ABCB5: variants seen among roughly 807,000 people sequenced by gnomAD.
ABCB5 encodes ATP-binding cassette sub-family B member 5.
Under a neutral mutation model 144.2 loss-of-function variants are expected in ABCB5, and 155 were observed. The observed-to-expected ratio is 1.08, with a 90% CI of 0.94 to 1.23. ABCB5 has a LOEUF of 1.23. ABCB5 is among the 50% of genes most tolerant of loss of function. The probability of loss-of-function intolerance (pLI) is 0.00; values close to 1 mark genes in which losing one functional copy is unlikely to be tolerated. For missense variants in ABCB5, 1,830 were observed against 1,520.8 expected, an observed-to-expected ratio of 1.20 and a Z score of -3.38; for synonymous variants, 610 against 528.6, an observed-to-expected ratio of 1.15 and a Z score of -2.11.
chr7:20,699,817 CTT>C lies in ABCB5; in HGVS notation c.2155-5_2155-4del. The C allele has an allele frequency of 6.4e-7, 1 of 1,563,136 alleles. No individual in the cohort carries two copies. The highest frequency in any genetic ancestry group is 8.7e-7 in the Non-Finnish European group (1 of 1,146,096). On this transcript the variant is annotated splice_polypyrimidine_tract_variant and splice_region_variant and intron_variant, in intron 17 of 27. Coordinates refer to ENST00000404938, the MANE Select transcript of ABCB5 (RefSeq NM_001163941.2). ...CCAAACACCTGATAAAAATCTGTTC[CTT>C]TTCAGATGTTTGGAAATAATGATAA...
intron 20 of ABCB5, among the ~76,000 whole-genome samples, chr7:20,714,470 C>G (rs1781605625): frequency 6.6e-6 from 1 of 152,006 alleles, no homozygotes; most frequent in African/African-American, 2.4e-5. Context: ...GTCTTTAAGA[C>G]CACATTCCGT....
In ABCB5 at chr7:20,703,254, A is replaced by G. The variant is rs537613483; in HGVS notation, c.2338-1470A>G. Among the ~76,000 whole-genome samples, 3 of 152,372 alleles carry G rather than the reference A, an allele frequency of 2.0e-5. No individual in the cohort carries two copies. The South Asian group carries it at 6.2e-4, about 32-fold the overall frequency. ...CTTAATTTTGGAGAGAGAGAACACA[A>G]TAAAAAGCAGGTGATGTCTTTCAGT... is the stretch of plus-strand genomic sequence containing the variant. On this transcript the variant is annotated intron_variant, in intron 19 of 27. Coordinates refer to ENST00000404938, the MANE Select transcript of ABCB5 (RefSeq NM_001163941.2).
Position 20,743,086 on chromosome 7 carries a change from C to A in ABCB5, c.3222+12C>A. ...TGCAAGGACAAGTGGTAAGACAGAA[C>A]TGAAACACACCTAATCTGGGGGTTA... is the stretch of plus-strand genomic sequence containing the variant. On this transcript the variant is annotated intron_variant, in intron 25 of 27. Transcript: ENST00000404938. 6.2e-7 allele frequency: 1 copy of A among 1,612,886 alleles called. No individual in the cohort carries two copies. Among genetic ancestry groups the A allele is most frequent in the Non-Finnish European group, 8.5e-7 (1 of 1,179,246 alleles).
At chr7:20,722,754 G>A (rs1393073919) in intron 20 of ABCB5, among the ~76,000 whole-genome samples, 1 of 151,940 alleles carries the variant, frequency 6.6e-6, no homozygotes, top group Non-Finnish European at 1.5e-5. Flanking sequence ...CCCAGGAGTC[G>A]GAGGTTGCAG....
intron 2 of ABCB5, among the ~76,000 whole-genome samples, chr7:20,624,449 AGCAAACT>A (rs1783864914): frequency 6.6e-6 from 1 of 152,254 alleles, no homozygotes; most frequent in South Asian, 2.1e-4. Flanking sequence ...CAATACCAAC[AGCAAACT>A]GCATCTATAT....
intron 5 of ABCB5, among the ~76,000 whole-genome samples, chr7:20,641,194 T>G (rs1339256631): frequency 6.6e-6 from 1 of 152,172 alleles, no homozygotes; most frequent in African/African-American, 2.4e-5. Context: ...TTTGTCCCAG[T>G]CTCTCACATC....
At position 20,643,262 on chromosome 7, in the gene ABCB5, T is replaced by G. The variant is rs774068423; in HGVS notation, c.393T>G (p.Thr131=). The change falls in exon 6 of 28, where the codon ACT becomes ACG. Residue 131 remains threonine (T), a synonymous_variant. Transcript: ENST00000404938. ...TACAGATTTCCTTGTGGATTATAAC[T>G]GCAGCACGACAGACCAAGAGGATTC... The part of the protein sequence containing the change: ...GYIQISLWII[T]AARQTKRIRK... 23 of 1,613,758 alleles carry G rather than the reference T, an allele frequency of 1.4e-5. No homozygotes were observed. The African/African-American group carries it at 2.3e-4, about 16-fold the overall frequency.
chr7:20,660,425 G>A (rs1432567049), intron 14 of ABCB5: 2 of 984,592 alleles, frequency 2.0e-6, no homozygotes. Context: ...ATGGTTTGCT[G>A]GGTCAGGATA....
chr7:20,695,269 A>G (rs887776713), intron 16 of ABCB5, among the ~76,000 whole-genome samples: 7 of 151,980 alleles, frequency 4.6e-5, no homozygotes, highest in Admixed American at 4.6e-4. Context: ...AGTCCCACAC[A>G]TAAATGGTCA....
At position 20,721,389 on chromosome 7, in the gene ABCB5, T is replaced by A. The variant is rs373989767; in HGVS notation, c.2422-1627T>A. 6.1e-4 allele frequency among the ~76,000 whole-genome samples: 93 copies of A among 152,290 alleles called. No homozygotes were observed. The South Asian group carries it at 0.015, about 24-fold the overall frequency. ...TTGCATTGTTATGAGATTAAATAAG[T>A]TGGTAAAGGTAAAGAGGTTATTTAG... On this transcript the variant is annotated intron_variant, in intron 20 of 27. Transcript: ENST00000404938.
intron 20 of ABCB5, among the ~76,000 whole-genome samples, chr7:20,710,657 C>A (rs1786998829): frequency 6.7e-6 from 1 of 149,810 alleles, no homozygotes; most frequent in African/African-American, 2.5e-5. Context: ...TCCATGTGAA[C>A]TATGCCCTTG....
At chr7:20,748,650 CAAAAAAAAAAAAA>C (rs71020682) in intron 26 of ABCB5, among the ~76,000 whole-genome samples, 2 of 59,082 alleles carry the variant, frequency 3.4e-5, no homozygotes, top group African/African-American at 1.3e-4. Context: ...GACTCCATCT[CAAAAAAAAAAAAA>C]AAAAAAAAAA....
intron 13 of ABCB5, among the ~76,000 whole-genome samples, chr7:20,652,525 G>A (rs547391281): frequency 3.9e-5 from 6 of 152,260 alleles, no homozygotes; most frequent in South Asian, 2.1e-4. Flanking sequence ...AGCTGAGATC[G>A]CACCACTGCG....
chr7:20,743,168 G>A (rs1782616049), intron 25 of ABCB5, 94 bp downstream of exon 25: 4 of 1,342,536 alleles, frequency 3.0e-6, no homozygotes, highest in Admixed American at 2.1e-5. Context: ...GTTTGGGTGG[G>A]GCAAACAATG....
In ABCB5 at chr7:20,667,042, T is replaced by A. The variant is rs114319712; in HGVS notation, c.1707+8366T>A. ...TCACATGAATGATCTAGTAGAGATG[T>A]ATTTTTCTAGTACACTTGATAGTAC... On this transcript the variant is annotated intron_variant, in intron 14 of 27. Coordinates refer to ENST00000404938, the MANE Select transcript of ABCB5 (RefSeq NM_001163941.2). 1,344 of 563,772 alleles carry A rather than the reference T, an allele frequency of 2.4e-3. 17 individuals are homozygous for A. The African/African-American group carries it at 0.024, about 10-fold the overall frequency. The allele number at this position is 563,772 out of a possible 1,614,324, so 34.9% of individuals were successfully genotyped here. A position where few individuals can be genotyped will look rare whatever the true frequency, so the allele number is the denominator to read the frequency against.
rs534944696 is a variant in ABCB5 at position 20,659,980 on chromosome 7, G to A, written c.1707+1304G>A. 387 of 985,450 alleles carry A rather than the reference G, an allele frequency of 3.9e-4. 3 individuals are homozygous for A. The South Asian group carries it at 4.9e-3, about 12-fold the overall frequency. 61.0% of individuals were successfully genotyped at this position (985,450 alleles called of 1,614,324 possible). ...ATTACAGGTGTGCGTCTCCGCGCCC[G>A]GCCAGTTACATAAGATTTTAAAAAA... On this transcript the variant is annotated intron_variant, in intron 14 of 27. Transcript: ENST00000404938.
At chr7:20,704,942 G>A in intron 20 of ABCB5, 135 bp downstream of exon 20, 1 of 526,926 alleles carries the variant, frequency 1.9e-6, no homozygotes, top group Non-Finnish European at 3.2e-6. Flanking sequence ...AAGTCTCACG[G>A]TTAACAGGTA....
At chr7:20,716,285 CT>C (rs201065257) in intron 20 of ABCB5, among the ~76,000 whole-genome samples, 2,145 of 152,148 alleles carry the variant, frequency 0.014, 160 homozygotes, top group Admixed American at 0.11. Context: ...ACATAACCCC[CT>C]ATCAAGTAAT....
intron 14 of ABCB5, among the ~76,000 whole-genome samples, chr7:20,680,691 G>C (rs1454690330): frequency 6.6e-6 from 1 of 151,954 alleles, no homozygotes; most frequent in African/African-American, 2.4e-5. Flanking sequence ...GAAATGCACT[G>C]ATCTGTATGT....
Sources: allele counts gnomAD v4.1 joint callset (sites outside exome capture counted in the v4.1 genomes callset), GRCh38; gene constraint gnomAD v4.1.1; transcripts MANE v1.5; gene names NCBI Gene and HGNC (gene_info 2026-07-23, HGNC 2026-07-21).